Variants in ATP13A1 observed in about 807,000 individuals in gnomAD.
ATP13A1 encodes the protein endoplasmic reticulum transmembrane helix translocase.
A neutral mutation model predicts 134.8 loss-of-function variants in ATP13A1; 55 were observed. The observed-to-expected ratio is 0.41, with a 90% CI of 0.33 to 0.51. The LOEUF (loss-of-function observed/expected upper bound fraction) is 0.51. Ranked by LOEUF, ATP13A1 falls within the 20% of genes least tolerant of loss-of-function variation. The pLI, the probability that ATP13A1 is intolerant of heterozygous loss-of-function variation, is 0.29. For missense variants in ATP13A1, 1,389 were observed against 1,652.8 expected (o/e 0.84, Z 2.77); for synonymous variants, 775 against 725.1 (o/e 1.07, Z -1.10).
At position 19,659,674 on chromosome 19, in the gene ATP13A1, A is replaced by C. The variant is rs1029609286; in HGVS notation, c.604T>G (p.Tyr202Asp). Residue 202 changes from tyrosine (Y) to aspartate (D), a missense_variant, in exon 3 of 26, where the codon TAC (tyrosine) becomes GAC (aspartate). Transcript: ENST00000357324. ...VAFPVGNAFS[Y>D]YQSNRGFQED... ...TGGAAGCCTCTGTTGCTCTGATAGT[A>C]TGAGAAGGCGTTTCCCACAGGAAAG... 19 of 1,613,784 alleles carry C rather than the reference A, an allele frequency of 1.2e-5. No homozygotes were observed. The highest frequency in any genetic ancestry group is 1.5e-5 in the Non-Finnish European group (18 of 1,179,898).
chr19:19,659,638 C>G lies in ATP13A1; in HGVS notation c.640G>C (p.Glu214Gln), dbSNP rs2062081776. 1 of 1,613,552 alleles carries G rather than the reference C, an allele frequency of 6.2e-7. No homozygotes were observed. The highest frequency in any genetic ancestry group is 8.5e-7 in the Non-Finnish European group (1 of 1,179,616). Residue 214 changes from glutamate (E) to glutamine (Q), a missense_variant, in exon 3 of 26, where the codon GAG (glutamate) becomes CAG (glutamine). Coordinates refer to ENST00000357324, the MANE Select transcript of ATP13A1 (RefSeq NM_020410.3). ...QSNRGFQEDS[E>Q]IRAAEKKFGS... ...AATTTCTTCTCAGCTGCTCGGATCT[C>G]TGAGTCTTCCTGGAAGCCTCTGTTG...
intron 19 of ATP13A1, 124 bp downstream of exon 19, chr19:19,649,443 T>G: frequency 2.0e-6 from 2 of 1,019,750 alleles, no homozygotes; most frequent in Non-Finnish European, 2.9e-6. Context: ...TGCCACCCCC[T>G]CCCATCCTCA....
Position 19,657,350 on chromosome 19 carries a change from A to C in ATP13A1, c.736T>G (p.Phe246Val). The change falls in exon 4 of 26, where the codon TTC becomes GTC. Residue 246 changes from phenylalanine to valine, a missense_variant. Around this residue, in one of 4 missense-constraint regions of ATP13A1, gnomAD observed 747 missense variants for 956.1 expected, o/e 0.78. Transcript: ENST00000357324. ...ELFKERATAP[F>V]FVFQVFCVGL... Reference sequence around the variant, plus strand: ...TGCTGCTTTACCTGAAATACAAAGAAGGGGGCTGTGGCTCTCTCCTTGAAA... The same window carrying C: ...TGCTGCTTTACCTGAAATACAAAGACGGGGGCTGTGGCTCTCTCCTTGAAA... 6.4e-7 allele frequency: 1 copy of C among 1,572,102 alleles called. No homozygotes were observed. Among genetic ancestry groups the C allele is most frequent in the Non-Finnish European group, 8.6e-7 (1 of 1,158,192 alleles).
At position 19,656,312 on chromosome 19, in the gene ATP13A1, C is replaced by T. The variant is rs2062057708; in HGVS notation, c.1084-129G>A. The T allele has an allele frequency of 1.6e-6, 2 of 1,278,822 alleles. No individual in the cohort carries two copies. The highest frequency in any genetic ancestry group is 1.5e-5 in the African/African-American group (1 of 67,228). The allele number at this position is 1,278,822 out of a possible 1,614,324, so 79.2% of individuals were successfully genotyped here. On this transcript the variant is annotated intron_variant, in intron 7 of 25. Coordinates refer to ENST00000357324, the MANE Select transcript of ATP13A1 (RefSeq NM_020410.3). This position sits in a 1 kb window ranked among gnomAD's most constrained non-coding sequence, Gnocchi z 4.6. ...ATCCCCACCCGACCAATACATCCCA[C>T]CCAGCTCCCAGATCCTCACCCTCAC...
At chr19:19,659,351 C>G (rs2062079935) in intron 3 of ATP13A1, among the ~76,000 whole-genome samples, 1 of 151,968 alleles carries the variant, frequency 6.6e-6, no homozygotes, top group East Asian at 1.9e-4. Context: ...AGCTGCTTGG[C>G]AGGTTGAGGC....
Position 19,653,678 on chromosome 19 carries a change from C to A in ATP13A1, c.2100+106G>T, listed in dbSNP as rs982306618. ...GAAGCTGGAGGCGGGGCAAGGAGGACAAAATCACAACCATTCAACCTGGCA... is the reference window on the plus strand; with the variant it reads ...GAAGCTGGAGGCGGGGCAAGGAGGAAAAAATCACAACCATTCAACCTGGCA... On this transcript the variant is annotated intron_variant, in intron 15 of 25. Coordinates refer to ENST00000357324, the MANE Select transcript of ATP13A1 (RefSeq NM_020410.3). The surrounding 1 kb of genome is among the most constrained non-coding windows in gnomAD (Gnocchi z 4.2). 2 of 1,101,702 alleles carry A rather than the reference C, an allele frequency of 1.8e-6. No homozygotes were observed. Among genetic ancestry groups the A allele is most frequent in the African/African-American group, 1.6e-5 (1 of 63,592 alleles). 68.2% of individuals were successfully genotyped at this position (1,101,702 alleles called of 1,614,324 possible).
intron 22 of ATP13A1, 137 bp from the exon 23 acceptor site, chr19:19,646,484 G>C: frequency 9.6e-7 from 1 of 1,046,226 alleles, no homozygotes; most frequent in Admixed American, 2.2e-5. Flanking sequence ...GGATTCCATG[G>C]GTCAGCACCA....
chr19:19,661,489 C>A (rs891590863), intron 1 of ATP13A1, among the ~76,000 whole-genome samples: 10 of 152,194 alleles, frequency 6.6e-5, no homozygotes, highest in Non-Finnish European at 8.8e-5. Context: ...TTCTCAGGAG[C>A]CCCTCCCTGG....
At chr19:19,648,505 A>G (rs952630783) in intron 19 of ATP13A1, among the ~76,000 whole-genome samples, 4 of 150,406 alleles carry the variant, frequency 2.7e-5, no homozygotes, top group Middle Eastern at 3.4e-3. Flanking sequence ...TTGCAAAAAA[A>G]AAAAAAGAAA....
intron 17 of ATP13A1, chr19:19,651,437 C>T (rs1050227833): frequency 7.8e-6 from 3 of 386,450 alleles, no homozygotes; most frequent in Non-Finnish European, 1.4e-5. Flanking sequence ...ACAGGAAACC[C>T]GAGCTGGCAG....
chr19:19,652,888 G>T, intron 15 of ATP13A1, 168 bp from the exon 16 acceptor site: 2 of 960,806 alleles, frequency 2.1e-6, no homozygotes, highest in South Asian at 3.5e-5. Flanking sequence ...AGGGTACCAG[G>T]CACGCTTGAG....
At chr19:19,654,812 G>C in intron 12 of ATP13A1, 112 bp from the exon 13 acceptor site, 1 of 1,310,488 alleles carries the variant, frequency 7.6e-7, no homozygotes, top group Non-Finnish European at 1.0e-6. Context: ...TCACTGGGGT[G>C]GCTTGGGCGC....
intron 3 of ATP13A1, 39 bp from the exon 4 acceptor site, chr19:19,657,447 G>C: frequency 6.5e-7 from 1 of 1,541,482 alleles, no homozygotes; most frequent in African/African-American, 1.4e-5. Context: ...CCAGGGCAAG[G>C]CCTCTGGGGT....
intron 16 of ATP13A1, among the ~76,000 whole-genome samples, chr19:19,652,184 A>C (rs1395480484): frequency 6.6e-6 from 1 of 152,072 alleles, no homozygotes; most frequent in African/African-American, 2.4e-5. Context: ...TCATCCTCTG[A>C]GACGGCTCAC....
In ATP13A1 at chr19:19,653,987, G is replaced by T; in HGVS notation, c.1971C>A (p.Pro657=). ...LCYIAAVKGA[P]ETLHSMFSQC... The stretch of plus-strand genomic sequence containing the variant: ...AGCTCACCATGGAGTGCAGAGTTTC[G>T]GGGGCCCCCTTCACGGCCGCGATGT... Residue 657 remains proline (P), a synonymous_variant, in exon 14 of 26, where the codon CCC becomes CCA. Transcript: ENST00000357324. This position sits in a 1 kb window ranked among gnomAD's most constrained non-coding sequence, Gnocchi z 4.2. 4 of 1,596,718 alleles carry T rather than the reference G, an allele frequency of 2.5e-6. No homozygotes were observed. The highest frequency in any genetic ancestry group is 2.6e-6 in the Non-Finnish European group (3 of 1,172,154).
chr19:19,659,730 G>A lies in ATP13A1; in HGVS notation c.548C>T (p.Ala183Val), dbSNP rs1346509188. Reference protein sequence around the residue: ...EFQKIKYSYDALEKKQFLPVA... With the variant: ...EFQKIKYSYDVLEKKQFLPVA... ...GGGGAGAAACTGCTTCTTCTCCAGGGCATCGTAGGAATACTTGATCTTCTG... is the reference window on the plus strand; with the variant it reads ...GGGGAGAAACTGCTTCTTCTCCAGGACATCGTAGGAATACTTGATCTTCTG... Residue 183 changes from alanine to valine, a missense_variant, in exon 3 of 26, where the codon GCC (alanine) becomes GTC (valine). This residue lies in a region of ATP13A1 where 293 missense variants were observed against 270.8 expected (regional missense o/e 1.08). Coordinates refer to ENST00000357324, the MANE Select transcript of ATP13A1 (RefSeq NM_020410.3). The A allele has an allele frequency of 3.7e-6, 6 of 1,613,850 alleles. No individual in the cohort carries two copies. Among genetic ancestry groups the A allele is most frequent in the Non-Finnish European group, 5.1e-6 (6 of 1,179,894 alleles).
At chr19:19,662,214 T>C in intron 1 of ATP13A1, 3 of 1,528,608 alleles carry the variant, frequency 2.0e-6, no homozygotes, top group Non-Finnish European at 2.6e-6. Flanking sequence ...CTCCTTTATT[T>C]TGTCCCTCAT....
At chr19:19,658,766 C>T (rs2062076015) in intron 3 of ATP13A1, among the ~76,000 whole-genome samples, 1 of 152,180 alleles carries the variant, frequency 6.6e-6, no homozygotes, top group Non-Finnish European at 1.5e-5. Context: ...TCTTCCATCA[C>T]CATTCTGAAG....
In ATP13A1 at chr19:19,652,711, C is replaced by T; in HGVS notation, c.2110G>A (p.Val704Ile). ...CTGCACTCCAGGGCCTCCCGCTTGA[C>T]CTCCCGGGCCTGCGGACAGACAGGG... ...GHLTHQQARE[V>I]KREALECSLK... Residue 704 changes from valine (V) to isoleucine (I), a missense_variant, in exon 16 of 26, where the codon GTC becomes ATC. Around this residue, in one of 4 missense-constraint regions of ATP13A1, gnomAD observed 747 missense variants for 956.1 expected, o/e 0.78. Coordinates refer to ENST00000357324, the MANE Select transcript of ATP13A1 (RefSeq NM_020410.3). 1 of 1,604,860 alleles carries T rather than the reference C, an allele frequency of 6.2e-7. No homozygotes were observed. The highest frequency in any genetic ancestry group is 8.5e-7 in the Non-Finnish European group (1 of 1,177,188).
Sources: allele counts gnomAD v4.1 joint callset (sites outside exome capture counted in the v4.1 genomes callset), GRCh38; gene constraint gnomAD v4.1.1; regional missense constraint gnomAD v4.1.1; non-coding constraint Gnocchi (gnomAD v3.1); transcripts MANE v1.5; gene names NCBI Gene and HGNC (gene_info 2026-07-23, HGNC 2026-07-21).